UNC5D: variants seen among roughly 807,000 people sequenced by gnomAD.
UNC5D encodes netrin receptor UNC5D.
A neutral mutation model predicts 105.4 loss-of-function variants in UNC5D; 39 were observed. The ratio of observed to expected loss-of-function variants is 0.37; its 90% CI spans 0.29 to 0.48. The LOEUF (loss-of-function observed/expected upper bound fraction) is 0.48, where lower values mean the gene tolerates loss of function less well. UNC5D is among the 20% of genes least tolerant of loss of function. UNC5D has a pLI of 0.98. For missense variants in UNC5D, 991 were observed against 1,202.4 expected (o/e 0.82, Z 2.60); for synonymous variants, 452 against 450.4 (o/e 1.00, Z -0.04).
At chr8:35,366,377 T>G (rs767559676) in intron 1 of UNC5D, among the ~76,000 whole-genome samples, 1 of 152,052 alleles carries the variant, frequency 6.6e-6, no homozygotes, top group African/African-American at 2.4e-5. Flanking sequence ...CGCCCTCCAC[T>G]CCAAACATAA....
chr8:35,416,603 T>A (rs561159653), intron 1 of UNC5D, among the ~76,000 whole-genome samples: 1 of 152,236 alleles, frequency 6.6e-6, no homozygotes, highest in African/African-American at 2.4e-5. Context: ...CCTTCCTGTT[T>A]TTCACTTTTG....
At chr8:35,653,000 G>T (rs1386064295) in intron 4 of UNC5D, among the ~76,000 whole-genome samples, 1 of 141,012 alleles carries the variant, frequency 7.1e-6, no homozygotes, top group East Asian at 2.0e-4. Context: ...CACAATCTTG[G>T]CTTACTGCAA....
intron 2 of UNC5D, among the ~76,000 whole-genome samples, chr8:35,556,243 T>C (rs1451163105): frequency 1.3e-5 from 2 of 152,194 alleles, no homozygotes; most frequent in Admixed American, 6.5e-5. Flanking sequence ...ATGGTGAATA[T>C]GATTCAAAAA....
At chr8:35,570,137 T>C (rs1393234223) in intron 3 of UNC5D, among the ~76,000 whole-genome samples, 1 of 152,198 alleles carries the variant, frequency 6.6e-6, no homozygotes, top group Middle Eastern at 3.2e-3. Context: ...CCCGTTGCCA[T>C]TCATGGTGTA....
At chr8:35,394,018 A>C (rs562297002) in intron 1 of UNC5D, among the ~76,000 whole-genome samples, 1 of 140,216 alleles carries the variant, frequency 7.1e-6, no homozygotes, top group Non-Finnish European at 1.6e-5. Context: ...TCTCTCTCTC[A>C]CTCGTTTTGG....
At chr8:35,400,707 G>C (rs1418464882) in intron 1 of UNC5D, among the ~76,000 whole-genome samples, 1 of 152,144 alleles carries the variant, frequency 6.6e-6, no homozygotes, top group East Asian at 1.9e-4. Flanking sequence ...GAATTTCATA[G>C]GCATTCCACT....
At chr8:35,291,757 T>C (rs941473792) in intron 1 of UNC5D, among the ~76,000 whole-genome samples, 4 of 152,194 alleles carry the variant, frequency 2.6e-5, no homozygotes, top group African/African-American at 4.8e-5. Context: ...CTCTCTTTTG[T>C]AGTTGAATTT....
intron 13 of UNC5D, 29 bp from the exon 14 acceptor site, chr8:35,759,291 G>C: frequency 1.9e-6 from 3 of 1,609,486 alleles, no homozygotes; most frequent in South Asian, 2.2e-5. Flanking sequence ...TTTCATTATT[G>C]ATCTTATTTT....
intron 14 of UNC5D, among the ~76,000 whole-genome samples, chr8:35,759,771 C>T (rs1174389834): frequency 2.0e-5 from 3 of 152,080 alleles, no homozygotes. Flanking sequence ...CAATATAGAG[C>T]CAGGTTTGTG....
rs953292195 is a variant in UNC5D at position 35,589,838 on chromosome 8, T to C, written c.467-5716T>C. 5.9e-5 allele frequency among the ~76,000 whole-genome samples: 9 copies of C among 152,330 alleles called. No homozygotes were observed. The East Asian group carries it at 1.5e-3, about 26-fold the overall frequency. On this transcript the variant is annotated intron_variant, in intron 3 of 16. Transcript: ENST00000404895. ...TGTAACGTGCATCAATATTCTTTCC[T>C]TTTTATTGCTAAACAGAATGCCATA...
intron 1 of UNC5D, among the ~76,000 whole-genome samples, chr8:35,512,569 A>C (rs2589754): frequency 0.71 from 45,618 of 64,664 alleles, 18,323 homozygotes; most frequent in South Asian, 0.83. Context: ...ATATATATAT[A>C]TCTGAATAGA....
chr8:35,673,608 G>T (rs111968203), intron 4 of UNC5D, among the ~76,000 whole-genome samples: 1 of 152,104 alleles, frequency 6.6e-6, no homozygotes. Context: ...TGGGGTTGCC[G>T]TGGGGATCAA....
chr8:35,446,244 ATGTTTTATTTG>A (rs1315536065), intron 1 of UNC5D, among the ~76,000 whole-genome samples: 1 of 151,818 alleles, frequency 6.6e-6, no homozygotes, highest in Non-Finnish European at 1.5e-5. Context: ...CAACATGCAG[ATGTTTTATTTG>A]TATGTGGGAT....
At chr8:35,727,586 C>T (rs949782092) in intron 10 of UNC5D, 7 of 152,194 alleles carry the variant, frequency 4.6e-5, no homozygotes, top group Non-Finnish European at 1.5e-5. Context: ...GTCTTGTTCT[C>T]CCCTAGAGCA....
chr8:35,764,045 G>T (rs1801659699), intron 14 of UNC5D, among the ~76,000 whole-genome samples: 1 of 152,078 alleles, frequency 6.6e-6, no homozygotes, highest in South Asian at 2.1e-4. Context: ...TGAGCTATTT[G>T]CCTCTCCCAT....
At chr8:35,569,825 C>A (rs1817600633) in intron 3 of UNC5D, among the ~76,000 whole-genome samples, 1 of 152,186 alleles carries the variant, frequency 6.6e-6, no homozygotes, top group Non-Finnish European at 1.5e-5. Context: ...AAGGCTCTAT[C>A]TGCAAAACAG....
At chr8:35,737,873 G>A (rs1366146584) in intron 11 of UNC5D, among the ~76,000 whole-genome samples, 2 of 152,124 alleles carry the variant, frequency 1.3e-5, no homozygotes, top group East Asian at 1.9e-4. Flanking sequence ...TTGGGAGGCC[G>A]AGGTGGGTGG....
At chr8:35,525,754 G>A (rs975560248) in intron 1 of UNC5D, 3 of 1,558,974 alleles carry the variant, frequency 1.9e-6, no homozygotes, top group African/African-American at 1.4e-5. Flanking sequence ...TCGCCCGGAG[G>A]AGCCGCCATC....
intron 1 of UNC5D, among the ~76,000 whole-genome samples, chr8:35,318,509 T>C (rs576351549): frequency 4.6e-5 from 7 of 152,140 alleles, no homozygotes; most frequent in Admixed American, 4.6e-4. Flanking sequence ...TGCATCTGAT[T>C]CTGTTTTATC....
Sources: allele counts gnomAD v4.1 joint callset (sites outside exome capture counted in the v4.1 genomes callset), GRCh38; gene constraint gnomAD v4.1.1; transcripts MANE v1.5; gene names NCBI Gene and HGNC (gene_info 2026-07-23, HGNC 2026-07-21).